Variants in ECRG4 observed in about 807,000 individuals in gnomAD.
The protein encoded by ECRG4 is ECRG4 augurin precursor, also known as augurin.
ECRG4 carries 18 observed loss-of-function variants against 15.8 expected under a neutral mutation model. That is an observed-to-expected ratio of 1.14 (90% confidence interval 0.79 to 1.69). The LOEUF is 1.69. Among genes scored for constraint, ECRG4 ranks in the 40% most tolerant of loss-of-function variants. ECRG4 has a pLI of 0.00. For missense variants in ECRG4, 200 were observed against 190.9 expected (o/e 1.05, Z -0.28); for synonymous variants, 82 against 73.9 (o/e 1.11, Z -0.56).
chr2:106,068,427 A>C (rs1676270124), intron 1 of ECRG4, among the ~76,000 whole-genome samples: 1 of 152,190 alleles, frequency 6.6e-6, no homozygotes, highest in African/African-American at 2.4e-5. Flanking sequence ...AGTTATATGT[A>C]CTGATATGGA....
In ECRG4 at chr2:106,069,135, CTT is replaced by C. The variant is rs1391811606; in HGVS notation, c.80-2707_80-2706del. Among the ~76,000 whole-genome samples, 5 of 133,242 alleles carry C rather than the reference CTT, an allele frequency of 3.8e-5. 1 individual carries two copies. Among genetic ancestry groups the C allele is most frequent in the South Asian group, 5.5e-4 (2 of 3,660 alleles). The allele number at this position is 133,242 out of a possible 152,430, so 87.4% of individuals were successfully genotyped here. A position where few individuals can be genotyped will look rare whatever the true frequency, so the allele number is the denominator to read the frequency against. On this transcript the variant is annotated intron_variant, in intron 1 of 3. Coordinates refer to ENST00000238044, the MANE Select transcript of ECRG4 (RefSeq NM_032411.3). Reference sequence around the variant, plus strand: ...TCTTTTTCTTTCTTCCTTTCTCTTTCTTTCTTTCTTTCTTTTCTTTCTTTCTT... The same window carrying C: ...TCTTTTTCTTTCTTCCTTTCTCTTTCTCTTTCTTTCTTTTCTTTCTTTCTT...
In ECRG4 at chr2:106,071,322, T is replaced by TAAAAAAAAAAAAAAAAA. The variant is rs10649647; in HGVS notation, c.80-508_80-492dup. On this transcript the variant is annotated intron_variant, in intron 1 of 3. Coordinates refer to ENST00000238044, the MANE Select transcript of ECRG4 (RefSeq NM_032411.3). ...ACCCTCTCAGTGATGGGTAAGGCTG[T>TAAAAAAAAAAAAAAAAA]AAAAAAAAAAAAAAAAAAAAAAAAA... Among the ~76,000 whole-genome samples the TAAAAAAAAAAAAAAAAA allele has an allele frequency of 2.3e-3, 178 of 78,306 alleles. 1 individual carries two copies. Among genetic ancestry groups the TAAAAAAAAAAAAAAAAA allele is most frequent in the Non-Finnish European group, 2.7e-3 (117 of 43,396 alleles). 51.4% of individuals were successfully genotyped at this position (78,306 alleles called of 152,430 possible). A position where few individuals can be genotyped will look rare whatever the true frequency, so the allele number is the denominator to read the frequency against.
chr2:106,071,349 A>AAAAG (rs1558656765), intron 1 of ECRG4, among the ~76,000 whole-genome samples: 46 of 137,580 alleles, frequency 3.3e-4, no homozygotes, highest in Middle Eastern at 3.6e-3. Flanking sequence ...AAAAAAAAAA[A>AAAAG]AAAGAAAGAA....
upstream of ECRG4, among the ~76,000 whole-genome samples, chr2:106,063,813 C>A (rs1048086780): frequency 6.6e-6 from 1 of 152,166 alleles, no homozygotes; most frequent in African/African-American, 2.4e-5. Flanking sequence ...AACTCCTGAC[C>A]TCAAGTGATC....
At position 106,069,185 on chromosome 2, in the gene ECRG4, TTC is replaced by T. The variant is rs752543357; in HGVS notation, c.80-2655_80-2654del. 1.3e-3 allele frequency among the ~76,000 whole-genome samples: 200 copies of T among 149,074 alleles called. No individual in the cohort carries two copies. The Middle Eastern group carries it at 0.031, about 23-fold the overall frequency. ...CTTTCTTTCTTTTTTCTTTCTTTCT[TTC>T]TCTTTCTTCTTTCTTTTTTATTTTC... On this transcript the variant is annotated intron_variant, in intron 1 of 3. Transcript: ENST00000238044.
chr2:106,069,152 CTTTCTTTCTTTCTTTCTTT>C (rs1676293647), intron 1 of ECRG4, among the ~76,000 whole-genome samples: 1 of 116,782 alleles, frequency 8.6e-6, no homozygotes, highest in African/African-American at 3.3e-5. Context: ...TCTTTCTTTT[CTTTCTTTCTTTCTTTCTTT>C]TTTCTTTCTT....
Position 106,073,884 on chromosome 2 carries a change from A to G in ECRG4, c.128-2A>G. On this transcript the variant is annotated splice_acceptor_variant, in intron 2 of 3. Coordinates refer to ENST00000238044, the MANE Select transcript of ECRG4 (RefSeq NM_032411.3). LOFTEE classifies it high-confidence loss of function. ...TTGGGGATGGGGAATTGATGATTTCAGCACCTGTTCCAACTAAGACTAAAG... is the reference window on the plus strand; with the variant it reads ...TTGGGGATGGGGAATTGATGATTTCGGCACCTGTTCCAACTAAGACTAAAG... 6.2e-7 allele frequency: 1 copy of G among 1,613,916 alleles called. No homozygotes were observed. Among genetic ancestry groups the G allele is most frequent in the Non-Finnish European group, 8.5e-7 (1 of 1,179,752 alleles).
chr2:106,064,872 C>T (rs1197731599), upstream of ECRG4, among the ~76,000 whole-genome samples: 1 of 152,156 alleles, frequency 6.6e-6, no homozygotes, highest in Non-Finnish European at 1.5e-5. Flanking sequence ...GTTCACTACG[C>T]CTCCTTTCAC....
rs1676518736 is a variant in ECRG4, at chr2:106,077,882, T to TA, written c.404dup (p.Tyr135Ter). ...EDSAIGPRSP[Y>*]GFRHGASVNY... is the part of the protein sequence containing the mutation. ...CTCTGCAATTGGTCCCCGGAGCCCC[T>TA]ACGGCTTTAGGCATGGAGCCAGCGT... Residue 135 changes from tyrosine to a stop codon, truncating the protein, a stop_gained and frameshift_variant, in exon 4 of 4, where the codon TAC becomes TAAC. Transcript: ENST00000238044. LOFTEE classifies it high-confidence loss of function. 1 of 1,614,182 alleles carries TA rather than the reference T, an allele frequency of 6.2e-7. No homozygotes were observed. The highest frequency in any genetic ancestry group is 8.5e-7 in the Non-Finnish European group (1 of 1,180,034).
intron 2 of ECRG4, 26 bp downstream of exon 2, chr2:106,071,917 G>C (rs750351438): frequency 1.3e-6 from 2 of 1,593,626 alleles, no homozygotes; most frequent in Non-Finnish European, 1.7e-6. Context: ...ATGGATAAGG[G>C]ATGCATTCTT....
chr2:106,077,674 C>A, intron 3 of ECRG4, 91 bp from the exon 4 acceptor site: 1 of 1,210,586 alleles, frequency 8.3e-7, no homozygotes, highest in Non-Finnish European at 1.2e-6. Flanking sequence ...GAAGAAAAAC[C>A]ACCATGAAGA....
At chr2:106,067,772 C>T (rs977556087) in intron 1 of ECRG4, among the ~76,000 whole-genome samples, 1 of 152,114 alleles carries the variant, frequency 6.6e-6, no homozygotes, top group Non-Finnish European at 1.5e-5. Flanking sequence ...CATGAACCAC[C>T]ATGCCCAGCC....
chr2:106,073,992 C>G lies in ECRG4; in HGVS notation c.234C>G (p.Pro78=), dbSNP rs767847581. The G allele has an allele frequency of 1.2e-6, 2 of 1,613,960 alleles. No homozygotes were observed. Among genetic ancestry groups the G allele is most frequent in the South Asian group, 1.1e-5 (1 of 91,064 alleles). Reference sequence around the variant, plus strand: ...GGCAGCTGTGGGACCGGACTCGGCCCGAGGTGCAGCAGTGGTACCAGCAGT... The same window carrying G: ...GGCAGCTGTGGGACCGGACTCGGCCGGAGGTGCAGCAGTGGTACCAGCAGT... ...QKRQLWDRTR[P]EVQQWYQQFL... Residue 78 remains proline (P), a synonymous_variant, in exon 3 of 4, where the codon CCC becomes CCG. Transcript: ENST00000238044.
At chr2:106,066,717 G>A (rs1676223198) in intron 1 of ECRG4, among the ~76,000 whole-genome samples, 1 of 152,150 alleles carries the variant, frequency 6.6e-6, no homozygotes, top group South Asian at 2.1e-4. Flanking sequence ...AAAGCAGCTG[G>A]GCACTGCCTA....
At chr2:106,065,126 C>T (rs1676175162), upstream of ECRG4, among the ~76,000 whole-genome samples, 1 of 152,094 alleles carries the variant, frequency 6.6e-6, no homozygotes, top group South Asian at 2.1e-4. Context: ...ATCTTTCAAA[C>T]TATCTCAAAA....
intron 1 of ECRG4, 112 bp downstream of exon 1, chr2:106,065,955 C>G: frequency 1.0e-6 from 1 of 957,032 alleles, no homozygotes; most frequent in Non-Finnish European, 1.5e-6. Flanking sequence ...GCGTAGGGAC[C>G]CATCCTTAGC....
At chr2:106,065,562 CG>C (rs1384028096), upstream of ECRG4, 3 of 397,256 alleles carry the variant, frequency 7.6e-6, no homozygotes, top group Non-Finnish European at 1.3e-5. Flanking sequence ...GAGAGGACCT[CG>C]GTGGTACTCG....
At chr2:106,075,548 C>A (rs1354028974) in intron 3 of ECRG4, among the ~76,000 whole-genome samples, 1 of 152,072 alleles carries the variant, frequency 6.6e-6, no homozygotes. Context: ...AGGGCAAAAC[C>A]CCGTCTCTAC....
chr2:106,067,220 AG>A (rs1676246196), intron 1 of ECRG4, among the ~76,000 whole-genome samples: 1 of 151,916 alleles, frequency 6.6e-6, no homozygotes. Flanking sequence ...TGAATCTGGG[AG>A]GAGGAGATTG....
Sources: gnomAD v4.1 joint callset for allele counts (sites outside exome capture counted in the v4.1 genomes callset) on GRCh38, gnomAD v4.1.1 for gene constraint, MANE v1.5 for transcripts, NCBI Gene and HGNC (gene_info 2026-07-23, HGNC 2026-07-21) for gene names.